PFKFB3: variants seen among roughly 807,000 people sequenced by gnomAD.
PFKFB3 encodes 6-phosphofructo-2-kinase/fructose-2,6-bisphosphatase 3.
A neutral mutation model predicts 68.0 loss-of-function variants in PFKFB3; 33 were observed. That is an observed-to-expected ratio of 0.49 (90% confidence interval 0.37 to 0.65). The LOEUF is 0.65. PFKFB3 is among the 30% of genes least tolerant of loss of function. The pLI, the probability that PFKFB3 is intolerant of heterozygous loss-of-function variation, is 0.00. For synonymous variants in PFKFB3, 315 were observed against 288.2 expected, an observed-to-expected ratio of 1.09 and a Z score of -0.94; for missense variants, 586 against 712.2, an observed-to-expected ratio of 0.82 and a Z score of 2.02.
chr10:6,183,616 TATA>T (rs1842783388), intron 1 of PFKFB3, among the ~76,000 whole-genome samples: 1 of 69,624 alleles, frequency 1.4e-5, no homozygotes, highest in Non-Finnish European at 3.3e-5. Context: ...AAAAAAAAAA[TATA>T]TATATATATA....
Position 6,217,151 on chromosome 10 carries a change from C to T in PFKFB3, c.458C>T (p.Ser153Leu), listed in dbSNP as rs764975677. Residue 153 changes from serine to leucine, a missense_variant, in exon 6 of 15, where the codon TCG becomes TTG. Ser to Leu is a moderately radical substitution (Grantham distance 145). Coordinates refer to ENST00000379775, the MANE Select transcript of PFKFB3 (RefSeq NM_004566.4). The part of the protein sequence containing the change: ...ENDFKAFFIE[S>L]VCDDPTVVAS... ...TTCCACCAGGCGTTTTTCATCGAGT[C>T]GGTGTGCGACGACCCTACAGTTGTG... is the stretch of plus-strand genomic sequence containing the variant. 8.7e-6 allele frequency: 14 copies of T among 1,614,004 alleles called. No homozygotes were observed. Among genetic ancestry groups the T allele is most frequent in the East Asian group, 4.5e-5 (2 of 44,894 alleles).
At chr10:6,168,901 T>G (rs527766179) in intron 1 of PFKFB3, among the ~76,000 whole-genome samples, 10 of 152,298 alleles carry the variant, frequency 6.6e-5, no homozygotes, top group Admixed American at 2.6e-4. Flanking sequence ...AAAGTGGTCC[T>G]TCGTTGAATG....
chr10:6,146,126 A>T, intron 1 of PFKFB3: 1 of 629,402 alleles, frequency 1.6e-6, no homozygotes, highest in Non-Finnish European at 2.0e-6. Flanking sequence ...AAGGACGTTG[A>T]GGACTGGGGG....
the PFKFB3 span, among the ~76,000 whole-genome samples, chr10:6,282,801 C>G: frequency 6.6e-6 from 1 of 152,324 alleles, no homozygotes; most frequent in African/African-American, 2.4e-5. Flanking sequence ...CATCAACAAA[C>G]ATAGGAGCTG....
At chr10:6,210,372 T>G (rs1444801327) in intron 1 of PFKFB3, among the ~76,000 whole-genome samples, 1 of 83,216 alleles carries the variant, frequency 1.2e-5, no homozygotes, top group African/African-American at 3.1e-5. Context: ...TTGTTTTTTT[T>G]TTTTTTGAGA....
exon 15 of PFKFB3, chr10:6,254,561 A>C (rs1033928628): frequency 7.7e-6 from 3 of 389,996 alleles, no homozygotes; most frequent in Non-Finnish European, 1.4e-5. Context: ...ATTTTGTAGA[A>C]GTGGAAATAG....
At chr10:6,279,463 A>C in the PFKFB3 span, among the ~76,000 whole-genome samples, 2 of 152,206 alleles carry the variant, frequency 1.3e-5, no homozygotes, top group Non-Finnish European at 2.9e-5. Flanking sequence ...TTTCCTGTTC[A>C]TCATATTATA....
chr10:6,206,349 T>C (rs1356022024), intron 1 of PFKFB3, among the ~76,000 whole-genome samples: 19 of 138,434 alleles, frequency 1.4e-4, no homozygotes, highest in African/African-American at 2.8e-4. Flanking sequence ...CCATGTCTAC[T>C]TCTTTCTACA....
intron 1 of PFKFB3, among the ~76,000 whole-genome samples, chr10:6,190,012 C>T (rs1298307464): frequency 6.0e-5 from 9 of 151,130 alleles, no homozygotes; most frequent in South Asian, 2.1e-4. Flanking sequence ...GGTGTGATCT[C>T]GGCTCACTGC....
the PFKFB3 span, among the ~76,000 whole-genome samples, chr10:6,285,135 A>G: frequency 6.6e-6 from 1 of 151,942 alleles, no homozygotes; most frequent in Non-Finnish European, 1.5e-5. Flanking sequence ...TGGCAGTTTT[A>G]TGTCTAAGGT....
At chr10:6,239,699 G>A (rs1049427013), downstream of PFKFB3, among the ~76,000 whole-genome samples, 4 of 151,970 alleles carry the variant, frequency 2.6e-5, no homozygotes, top group African/African-American at 9.7e-5. Flanking sequence ...TTTGAGAGAG[G>A]GTCTTGCTCT....
the PFKFB3 span, among the ~76,000 whole-genome samples, chr10:6,303,313 CATAA>C: frequency 2.6e-5 from 4 of 152,074 alleles, no homozygotes; most frequent in African/African-American, 4.8e-5. Context: ...TGGTTTTATT[CATAA>C]ATAGAGAAGT....
At chr10:6,221,318 G>A in intron 8 of PFKFB3, 63 bp from the exon 9 acceptor site, 3 of 1,595,756 alleles carry the variant, frequency 1.9e-6, no homozygotes, top group South Asian at 2.3e-5. Context: ...GCCTGCTCCA[G>A]CCCTGGCTCT....
At chr10:6,160,921 T>A (rs72777844) in intron 1 of PFKFB3, among the ~76,000 whole-genome samples, 96,449 of 151,898 alleles carry the variant, frequency 0.63, 32,957 homozygotes, top group Non-Finnish European at 0.79. Context: ...GGCCTTTTTT[T>A]AAATTTTTTT....
At chr10:6,309,959 G>T in the PFKFB3 span, among the ~76,000 whole-genome samples, 22,570 of 152,144 alleles carry the variant, frequency 0.15, 2,474 homozygotes, top group East Asian at 0.44. Flanking sequence ...CTATTCACTT[G>T]AATAGATGTA....
chr10:6,221,389 T>G lies in PFKFB3; in HGVS notation c.840T>G (p.Ser280Arg), dbSNP rs1427354954. 3 of 1,613,852 alleles carry G rather than the reference T, an allele frequency of 1.9e-6. No homozygotes were observed. The highest frequency in any genetic ancestry group is 2.5e-6 in the Non-Finnish European group (3 of 1,179,982). ...GLSSRGKKFA[S>R]ALSKFVEEQN... Reference sequence around the variant, plus strand: ...CCTCCACCACCTCTCAGTTTGCCAGTGCTCTGAGCAAGTTCGTGGAGGAGC... The same window carrying G: ...CCTCCACCACCTCTCAGTTTGCCAGGGCTCTGAGCAAGTTCGTGGAGGAGC... The change falls in exon 9 of 15, where the codon AGT (serine) becomes AGG (arginine). Residue 280 changes from serine to arginine, a missense_variant. Physicochemically the swap from Ser to Arg is moderately radical, Grantham distance 110 (BLOSUM62 -1). Transcript: ENST00000379775.
the PFKFB3 span, among the ~76,000 whole-genome samples, chr10:6,270,600 G>A: frequency 6.6e-6 from 1 of 152,104 alleles, no homozygotes; most frequent in Non-Finnish European, 1.5e-5. Context: ...ACACCTTTGT[G>A]CTTGCTGTTT....
intron 1 of PFKFB3, among the ~76,000 whole-genome samples, chr10:6,155,205 C>CTTTT (rs55673645): frequency 0.53 from 70,540 of 131,910 alleles, 22,623 homozygotes; most frequent in Non-Finnish European, 0.72. Context: ...GAGTTTTTTT[C>CTTTT]TTTTTTTTTT....
chr10:6,309,000 G>GGACAAACAA, the PFKFB3 span, among the ~76,000 whole-genome samples: 1 of 152,094 alleles, frequency 6.6e-6, no homozygotes, highest in South Asian at 2.1e-4. Flanking sequence ...ATGCTCTACA[G>GGACAAACAA]GACAAACAAA....
Sources: gnomAD v4.1 joint callset for allele counts (sites outside exome capture counted in the v4.1 genomes callset) on GRCh38, gnomAD v4.1.1 for gene constraint, MANE v1.5 for transcripts, NCBI Gene and HGNC (gene_info 2026-07-23, HGNC 2026-07-21) for gene names.